Variants in DCAF1 observed in about 807,000 individuals in gnomAD.
DCAF1 encodes the protein DDB1 and CUL4 associated factor 1.
In DCAF1, 15 loss-of-function variants were observed where a neutral mutation model predicts 128.0. The ratio of observed to expected loss-of-function variants is 0.12; its 90% CI spans 0.08 to 0.18. DCAF1 has a LOEUF of 0.18. Ranked by LOEUF, DCAF1 falls within the 10% of genes least tolerant of loss-of-function variation. The probability of loss-of-function intolerance (pLI) is 1.00; values close to 1 mark genes in which losing one functional copy is unlikely to be tolerated. For missense variants in DCAF1, 988 were observed against 1,649.5 expected, an observed-to-expected ratio of 0.60 and a Z score of 6.95; for synonymous variants, 610 against 603.0, an observed-to-expected ratio of 1.01 and a Z score of -0.17.
chr3:51,470,135 C>A (rs1203355460), intron 4 of DCAF1, among the ~76,000 whole-genome samples: 1 of 152,216 alleles, frequency 6.6e-6, no homozygotes, highest in African/African-American at 2.4e-5. Flanking sequence ...CAAATATCAA[C>A]TTCCTAACTA....
chr3:51,503,982 T>C (rs530284100), upstream of DCAF1, among the ~76,000 whole-genome samples: 13 of 151,944 alleles, frequency 8.6e-5, no homozygotes, highest in Admixed American at 4.6e-4. Context: ...GGAGTCAACA[T>C]TGGGGAGAGA....
upstream of DCAF1, among the ~76,000 whole-genome samples, chr3:51,503,609 G>A (rs964455052): frequency 1.8e-4 from 28 of 152,154 alleles, no homozygotes; most frequent in African/African-American, 6.8e-4. Context: ...GTCCAGCAGT[G>A]TCGCAGGAGC....
At chr3:51,503,254 T>G (rs1479681116), upstream of DCAF1, among the ~76,000 whole-genome samples, 1 of 152,154 alleles carries the variant, frequency 6.6e-6, no homozygotes, top group Non-Finnish European at 1.5e-5. Flanking sequence ...AGCCCAGCCC[T>G]GGCCCCAGGA....
chr3:51,484,910 G>GT (rs1706746109), intron 2 of DCAF1, among the ~76,000 whole-genome samples: 2 of 138,580 alleles, frequency 1.4e-5, no homozygotes, highest in South Asian at 4.5e-4. Flanking sequence ...CTCAAACTCC[G>GT]TTTTTTGTTT....
intron 6 of DCAF1, among the ~76,000 whole-genome samples, chr3:51,460,506 A>G (rs1194058521): frequency 6.6e-6 from 1 of 152,152 alleles, no homozygotes; most frequent in Non-Finnish European, 1.5e-5. Context: ...TATAGATTCA[A>G]TGCCATCCCC....
rs2089364696 is a variant in DCAF1, at chr3:51,398,367, G to A, written c.*402C>T. Reference sequence around the variant, plus strand: ...TGGTGGATATAAGTTCATACCCTCAGTTATAAATGCCTGTTTTTTTTTCCT... The same window carrying A: ...TGGTGGATATAAGTTCATACCCTCAATTATAAATGCCTGTTTTTTTTTCCT... On this transcript the variant is annotated 3_prime_UTR_variant, in exon 25 of 25. Coordinates refer to ENST00000684031, the MANE Select transcript of DCAF1 (RefSeq NM_001387579.1). 6.2e-6 allele frequency: 1 copy of A among 161,526 alleles called. No individual in the cohort carries two copies. Among genetic ancestry groups the A allele is most frequent in the African/African-American group, 2.4e-5 (1 of 41,512 alleles). 10.0% of individuals were successfully genotyped at this position (161,526 alleles called of 1,614,324 possible).
intron 3 of DCAF1, among the ~76,000 whole-genome samples, chr3:51,480,976 AT>A (rs781938894): frequency 9.2e-5 from 14 of 152,260 alleles, no homozygotes; most frequent in Admixed American, 5.2e-4. Flanking sequence ...ACATAATTTT[AT>A]TGAAAAAATC....
At chr3:51,483,196 G>A (rs1377895343) in intron 3 of DCAF1, among the ~76,000 whole-genome samples, 4 of 149,968 alleles carry the variant, frequency 2.7e-5, no homozygotes, top group African/African-American at 9.8e-5. Context: ...AGCACTTTGG[G>A]AGGAGGCCAA....
chr3:51,446,184 G>A (rs963465347), intron 6 of DCAF1, among the ~76,000 whole-genome samples: 7 of 151,784 alleles, frequency 4.6e-5, no homozygotes, highest in Non-Finnish European at 8.8e-5. Context: ...TAGTGGAGAC[G>A]GGGTTTCACC....
chr3:51,462,649 G>A (rs1281681816), intron 6 of DCAF1, among the ~76,000 whole-genome samples: 1 of 150,976 alleles, frequency 6.6e-6, no homozygotes, highest in African/African-American at 2.4e-5. Flanking sequence ...GGGAGGCTGA[G>A]GCAGGAGAAT....
At chr3:51,434,814 G>C (rs1700671972) in intron 9 of DCAF1, among the ~76,000 whole-genome samples, 1 of 152,164 alleles carries the variant, frequency 6.6e-6, no homozygotes, top group Admixed American at 6.5e-5. Context: ...TCTGGGTGGA[G>C]ATCTCCTGCA....
chr3:51,472,045 G>A (rs1009275828), intron 3 of DCAF1, among the ~76,000 whole-genome samples: 2 of 151,980 alleles, frequency 1.3e-5, no homozygotes, highest in Non-Finnish European at 2.9e-5. Flanking sequence ...CAGTCTCCTT[G>A]CTTCCTGCTT....
intron 6 of DCAF1, among the ~76,000 whole-genome samples, chr3:51,462,832 G>A (rs1430962719): frequency 1.3e-5 from 2 of 151,632 alleles, no homozygotes; most frequent in Non-Finnish European, 2.9e-5. Flanking sequence ...TGGGCGCAGA[G>A]GCTCACGACT....
chr3:51,455,284 G>C (rs962132502), intron 6 of DCAF1, among the ~76,000 whole-genome samples: 1 of 152,122 alleles, frequency 6.6e-6, no homozygotes, highest in African/African-American at 2.4e-5. Flanking sequence ...CTCATCAAGA[G>C]TAAGAGTTTG....
At chr3:51,444,011 C>T (rs1322955458) in intron 6 of DCAF1, 108 bp from the exon 7 acceptor site, 14 of 1,070,626 alleles carry the variant, frequency 1.3e-5, no homozygotes, top group Non-Finnish European at 1.8e-5. Context: ...TTTCAATGTT[C>T]GTAAGAGTAA....
chr3:51,399,285 T>C (rs2089468864), intron 24 of DCAF1, among the ~76,000 whole-genome samples: 1 of 152,220 alleles, frequency 6.6e-6, no homozygotes, highest in African/African-American at 2.4e-5. Flanking sequence ...GTGAGAGATG[T>C]ATCTTTTCTG....
chr3:51,493,037 T>C (rs1205305866), intron 2 of DCAF1, among the ~76,000 whole-genome samples: 19 of 151,224 alleles, frequency 1.3e-4, no homozygotes, highest in Non-Finnish European at 2.5e-4. Context: ...AAGGGTATAG[T>C]AGTTATAAAA....
rs2089705786 is a variant in DCAF1 at position 51,401,570 on chromosome 3, T to C, written c.4465+1573A>G. On this transcript the variant is annotated intron_variant, in intron 24 of 24. Coordinates refer to ENST00000684031, the MANE Select transcript of DCAF1 (RefSeq NM_001387579.1). ...AAAGTAACAACATTCTCACAACTGA[T>C]AGAGTTAAAGTTTTCCAGATTACCT... 2.0e-5 allele frequency among the ~76,000 whole-genome samples: 3 copies of C among 152,226 alleles called. No individual in the cohort carries two copies. In the South Asian group the frequency reaches 6.2e-4, roughly 32 times the overall value.
intron 9 of DCAF1, chr3:51,440,219 A>C (rs782732493): frequency 6.1e-6 from 3 of 491,846 alleles, no homozygotes; most frequent in Non-Finnish European, 1.2e-5. Flanking sequence ...GAATGTTTTG[A>C]TTGTTACTAT....
Sources: allele counts gnomAD v4.1 joint callset (sites outside exome capture counted in the v4.1 genomes callset), GRCh38; gene constraint gnomAD v4.1.1; transcripts MANE v1.5; gene names NCBI Gene and HGNC (gene_info 2026-07-23, HGNC 2026-07-21).